DIS3: variants seen among roughly 807,000 people sequenced by gnomAD.
DIS3 encodes the protein exosome complex exonuclease RRP44.
A neutral mutation model predicts 113.0 loss-of-function variants in DIS3; 103 were observed. That is an observed-to-expected ratio of 0.91 (90% CI 0.78 to 1.07). The LOEUF (loss-of-function observed/expected upper bound fraction) is 1.07, where lower values mean the gene tolerates loss of function less well. Among genes scored for constraint, DIS3 ranks in the 50% least tolerant of loss-of-function variants. DIS3 has a pLI of 0.00. For synonymous variants in DIS3, 402 were observed against 394.3 expected (o/e 1.02, Z -0.23); for missense variants, 1,121 against 1,167.1 (o/e 0.96, Z 0.58).
rs1312665119 is a variant in DIS3, at chr13:72,780,033, G to A, written c.386+813C>T. On this transcript the variant is annotated intron_variant, in intron 2 of 20. Transcript: ENST00000377767. ...GTCTTGAATCTAAAAGCACAACAAAGAATTATATTCCTGGCCAGGCACGGT... is the reference window on the plus strand; with the variant it reads ...GTCTTGAATCTAAAAGCACAACAAAAAATTATATTCCTGGCCAGGCACGGT... Among the ~76,000 whole-genome samples, 3 of 151,832 alleles carry A rather than the reference G, an allele frequency of 2.0e-5. No homozygotes were observed. In the East Asian group the frequency reaches 5.8e-4, roughly 29 times the overall value.
chr13:72,769,037 G>C lies in DIS3; in HGVS notation c.1756-125C>G, dbSNP rs2033823082. On this transcript the variant is annotated intron_variant, in intron 13 of 20. Transcript: ENST00000377767. ...AAAACCTAAAATCAGTAACAAAATAGAAATTCTTAGCTATGATATTATACT... is the reference window on the plus strand; with the variant it reads ...AAAACCTAAAATCAGTAACAAAATACAAATTCTTAGCTATGATATTATACT... 5.2e-5 allele frequency: 29 copies of C among 562,096 alleles called. 1 individual carries two copies. In the South Asian group the frequency reaches 7.5e-4, roughly 15 times the overall value. 34.8% of individuals were successfully genotyped at this position (562,096 alleles called of 1,614,324 possible).
At position 72,773,737 on chromosome 13, in the gene DIS3, G is replaced by A. The variant is rs917054849; in HGVS notation, c.1186C>T (p.Arg396Trp). Reference sequence around the variant, plus strand: ...CCATCAATAGCAACAATAATTCTCCGTCCTTCTAATGTGGAAGCCTGTCTG... The same window carrying A: ...CCATCAATAGCAACAATAATTCTCCATCCTTCTAATGTGGAAGCCTGTCTG... ...ETRQASTLEG[R>W]RIIVAIDGWP... Residue 396 changes from arginine (R) to tryptophan (W), a missense_variant, in exon 8 of 21, where the codon CGG (arginine) becomes TGG (tryptophan). Arg to Trp is a moderately radical substitution (Grantham distance 101). This residue lies in a region of DIS3 where 861 missense variants were observed against 915.5 expected (regional missense o/e 0.94). Transcript: ENST00000377767. The A allele has an allele frequency of 1.2e-5, 19 of 1,613,746 alleles. No individual in the cohort carries two copies. Among genetic ancestry groups the A allele is most frequent in the African/African-American group, 4.0e-5 (3 of 74,874 alleles).
rs1349441573 is a variant in DIS3 at position 72,756,200 on chromosome 13, G to C, written c.*3595C>G. 1.7e-5 allele frequency: 1 copy of C among 59,286 alleles called. No individual in the cohort carries two copies. Among genetic ancestry groups the C allele is most frequent in the African/African-American group, 1.5e-4 (1 of 6,834 alleles). 3.7% of individuals were successfully genotyped at this position (59,286 alleles called of 1,614,324 possible). ...GAATAAAGACCTGTGTTATCAATGTGTCATTTTCTTCTTTCCTCCATAACT... is the reference window on the plus strand; with the variant it reads ...GAATAAAGACCTGTGTTATCAATGTCTCATTTTCTTCTTTCCTCCATAACT... On this transcript the variant is annotated 3_prime_UTR_variant, in exon 21 of 21. Transcript: ENST00000377767.
At chr13:72,768,725 A>G in intron 14 of DIS3, 60 bp downstream of exon 14, 1 of 1,289,108 alleles carries the variant, frequency 7.8e-7, no homozygotes, top group Non-Finnish European at 1.1e-6. Flanking sequence ...ATCATTGCCT[A>G]TGATCAAACA....
intron 5 of DIS3, 121 bp downstream of exon 5, chr13:72,775,803 CT>C: frequency 1.2e-6 from 1 of 836,108 alleles, no homozygotes. Flanking sequence ...AAAAAAGTTA[CT>C]ATTTGCTTTA....
intron 15 of DIS3, 76 bp downstream of exon 15, chr13:72,765,892 TTTCA>T: frequency 1.0e-6 from 1 of 993,724 alleles, no homozygotes; most frequent in Non-Finnish European, 1.4e-6. Flanking sequence ...ATATAAACGT[TTTCA>T]TTATTTGTAC....
At chr13:72,765,513 T>G (rs2033723424) in intron 15 of DIS3, among the ~76,000 whole-genome samples, 1 of 152,114 alleles carries the variant, frequency 6.6e-6, no homozygotes, top group Non-Finnish European at 1.5e-5. Context: ...TCATAAGAAG[T>G]GCACAACTTA....
At chr13:72,762,817 T>A (rs1593836238) in intron 16 of DIS3, among the ~76,000 whole-genome samples, 1 of 151,030 alleles carries the variant, frequency 6.6e-6, no homozygotes, top group Non-Finnish European at 1.5e-5. Flanking sequence ...TTTAACTGAG[T>A]TGAAGTAAAT....
chr13:72,776,666 G>T (rs1385637700), intron 4 of DIS3, among the ~76,000 whole-genome samples: 1 of 152,078 alleles, frequency 6.6e-6, no homozygotes, highest in East Asian at 1.9e-4. Flanking sequence ...CATCTTATTT[G>T]ATCCTTATAA....
At chr13:72,762,307 T>C (rs1001888161) in intron 16 of DIS3, among the ~76,000 whole-genome samples, 170 bp from the exon 17 acceptor site, 4 of 152,226 alleles carry the variant, frequency 2.6e-5, no homozygotes, top group Non-Finnish European at 5.9e-5. Context: ...TCACTACAGT[T>C]CTGTCAGAAC....
chr13:72,762,824 A>C (rs2033657390), intron 16 of DIS3, among the ~76,000 whole-genome samples: 1 of 149,954 alleles, frequency 6.7e-6, no homozygotes, highest in Non-Finnish European at 1.5e-5. Context: ...GAGTTGAAGT[A>C]AATAAATAAA....
intron 1 of DIS3, 42 bp downstream of exon 1, chr13:72,781,563 C>T (rs1201570370): frequency 1.6e-5 from 24 of 1,477,740 alleles, no homozygotes; most frequent in Non-Finnish European, 2.7e-6. Context: ...ACCCCCTTGT[C>T]CCCGTGGGGC....
chr13:72,770,399 T>C (rs2033857075), intron 13 of DIS3, among the ~76,000 whole-genome samples: 1 of 152,130 alleles, frequency 6.6e-6, no homozygotes, highest in African/African-American at 2.4e-5. Context: ...CAAACTGAAA[T>C]ACATTTGTCT....
rs775449979 is a variant in DIS3 at position 72,759,769 on chromosome 13, T to A, written c.*26A>T. On this transcript the variant is annotated 3_prime_UTR_variant, in exon 21 of 21. Transcript: ENST00000377767. ...TTTTTTCTTTTAAAAAAGAAACCAG[T>A]CTTTGAAGATTTTTGTTGAATATAG... 1 of 1,586,690 alleles carries A rather than the reference T, an allele frequency of 6.3e-7. No homozygotes were observed. The highest frequency in any genetic ancestry group is 8.6e-7 in the Non-Finnish European group (1 of 1,160,758).
intron 15 of DIS3, 92 bp downstream of exon 15, chr13:72,765,880 G>C (rs1369797206): frequency 1.2e-6 from 1 of 851,146 alleles, no homozygotes. Flanking sequence ...TCATTATTTT[G>C]TATATAAACG....
At chr13:72,781,513 G>A (rs2034220654) in intron 1 of DIS3, 92 bp downstream of exon 1, 1 of 1,438,210 alleles carries the variant, frequency 7.0e-7, no homozygotes, top group African/African-American at 1.4e-5. Context: ...ATGTGACACT[G>A]CCAAAGACCC....
chr13:72,781,623 A>T lies in DIS3; in HGVS notation c.210T>A (p.Thr70=). 1 of 1,535,018 alleles carries T rather than the reference A, an allele frequency of 6.5e-7. No homozygotes were observed. The highest frequency in any genetic ancestry group is 8.8e-7 in the Non-Finnish European group (1 of 1,138,896). Residue 70 remains threonine, a synonymous_variant, in exon 1 of 21, where the codon ACT becomes ACA. Transcript: ENST00000377767. ...CPQPHYLLPD[T]NVLLHQIDVL... is the part of the protein sequence containing the mutation. ...CACGCACCTGGTGCAGTAACACATT[A>T]GTGTCGGGCAGCAAGTAGTGCGGTT...
Position 72,778,388 on chromosome 13 carries a change from G to A in DIS3, c.387-8C>T, listed in dbSNP as rs751788193. The A allele has an allele frequency of 2.6e-6, 4 of 1,525,156 alleles. No individual in the cohort carries two copies. The highest frequency in any genetic ancestry group is 1.9e-5 in the Admixed American group (1 of 53,998). The allele number at this position is 1,525,156 out of a possible 1,614,324, so 94.5% of individuals were successfully genotyped here. The stretch of plus-strand genomic sequence containing the variant: ...TGTTCTACATAGGTTTCTCTAAATG[G>A]AAAGAAAAAACGAAATAAAAGGAAA... On this transcript the variant is annotated splice_region_variant and splice_polypyrimidine_tract_variant and intron_variant, in intron 2 of 20. Transcript: ENST00000377767.
At chr13:72,768,689 T>G (rs1336904204) in intron 14 of DIS3, 96 bp downstream of exon 14, 1 of 896,020 alleles carries the variant, frequency 1.1e-6, no homozygotes, top group Admixed American at 3.1e-5. Context: ...GAAACAGGAG[T>G]CTCTATTCAC....
Sources: allele counts gnomAD v4.1 joint callset (sites outside exome capture counted in the v4.1 genomes callset), GRCh38; gene constraint gnomAD v4.1.1; regional missense constraint gnomAD v4.1.1; transcripts MANE v1.5; gene names NCBI Gene and HGNC (gene_info 2026-07-23, HGNC 2026-07-21).